Variants in AFF1 observed in about 807,000 individuals in gnomAD.
AFF1 encodes ALF transcription elongation factor 1, also known as AF4/FMR2 family member 1.
A neutral mutation model predicts 121.7 loss-of-function variants in AFF1; 48 were observed. The ratio of observed to expected loss-of-function variants is 0.39; its 90% CI spans 0.31 to 0.50. The LOEUF (loss-of-function observed/expected upper bound fraction) is 0.50. Among genes scored for constraint, AFF1 ranks in the 20% least tolerant of loss-of-function variants. The probability of loss-of-function intolerance (pLI) is 0.76; values close to 1 mark genes in which losing one functional copy is unlikely to be tolerated. For synonymous variants in AFF1, 613 were observed against 563.0 expected (o/e 1.09, Z -1.26); for missense variants, 1,523 against 1,511.7 (o/e 1.01, Z -0.12).
Position 87,140,363 on chromosome 4 carries a change from A to G in AFF1, c.*4662A>G, listed in dbSNP as rs76691778. On this transcript the variant is annotated 3_prime_UTR_variant, in exon 21 of 21. Transcript: ENST00000395146. The stretch of plus-strand genomic sequence containing the variant: ...TGGGGTTGTGTGTGTGTATGTGTGT[A>G]TGTACGCACGCATGTGTCCCAAATC... 0.014 allele frequency: 2,766 copies of G among 195,388 alleles called. 81 individuals carry two copies. The highest frequency in any genetic ancestry group is 0.06 in the African/African-American group (2,584 of 43,222). 12.1% of individuals were successfully genotyped at this position (195,388 alleles called of 1,614,324 possible).
chr4:87,126,233 C>T lies in AFF1; in HGVS notation c.2708C>T (p.Pro903Leu), dbSNP rs759359439. The T allele has an allele frequency of 5.6e-6, 9 of 1,614,072 alleles. No individual in the cohort carries two copies. The highest frequency in any genetic ancestry group is 1.6e-4 in the Middle Eastern group (1 of 6,062). The change falls in exon 14 of 21, where the codon CCT becomes CTT. Residue 903 changes from proline to leucine, a missense_variant. Physicochemically the swap from Pro to Leu is moderately conservative, Grantham distance 98. Around this residue, in one of 5 missense-constraint regions of AFF1, gnomAD observed 905 missense variants for 842.5 expected, o/e 1.07. Transcript: ENST00000395146. ...GAAGCAGACACCTGTGGCCAGGACCCTCCCAAAAGTGCCAGCAGTACCAAG... is the reference window on the plus strand; with the variant it reads ...GAAGCAGACACCTGTGGCCAGGACCTTCCCAAAAGTGCCAGCAGTACCAAG... ...RREADTCGQDPPKSASSTKSN... is the reference protein window; with the variant it reads ...RREADTCGQDLPKSASSTKSN...
At chr4:86,944,140 TAAA>T (rs35682600) in intron 1 of AFF1, among the ~76,000 whole-genome samples, 1,080 of 96,130 alleles carry the variant, frequency 0.011, 20 homozygotes, top group African/African-American at 0.034. Context: ...CAAGACCCTG[TAAA>T]AAAAAAAAAA....
intron 2 of AFF1, among the ~76,000 whole-genome samples, chr4:86,993,078 A>C (rs1300092879): frequency 2.6e-5 from 4 of 152,226 alleles, no homozygotes; most frequent in Admixed American, 1.3e-4. Flanking sequence ...CCTAGGTAGG[A>C]AACAGAGTCC....
At chr4:87,127,329 T>G (rs566480661) in intron 15 of AFF1, among the ~76,000 whole-genome samples, 1 of 152,118 alleles carries the variant, frequency 6.6e-6, no homozygotes, top group East Asian at 1.9e-4. Flanking sequence ...CCTGGCTAAC[T>G]TTTTTTGTAT....
chr4:87,101,387 A>C (rs1485383986), intron 8 of AFF1, among the ~76,000 whole-genome samples: 2 of 152,178 alleles, frequency 1.3e-5, no homozygotes, highest in African/African-American at 4.8e-5. Flanking sequence ...CAGCCTGTGC[A>C]TATAGTAAGA....
chr4:87,044,358 T>TAGA (rs535666290), intron 2 of AFF1, among the ~76,000 whole-genome samples: 116 of 152,356 alleles, frequency 7.6e-4, no homozygotes, highest in Middle Eastern at 6.8e-3. Context: ...GATTAGCTTC[T>TAGA]ATGCAGAGTA....
At chr4:86,945,124 G>C (rs1370313347) in intron 1 of AFF1, among the ~76,000 whole-genome samples, 1 of 152,154 alleles carries the variant, frequency 6.6e-6, no homozygotes, top group Non-Finnish European at 1.5e-5. Context: ...TTTTAGCTAG[G>C]TGATATAATA....
intron 4 of AFF1, among the ~76,000 whole-genome samples, chr4:87,070,254 G>A (rs1264181971): frequency 1.3e-5 from 2 of 152,128 alleles, no homozygotes; most frequent in African/African-American, 4.8e-5. Context: ...CACCTGTCTC[G>A]GCCTCCCGAA....
intron 2 of AFF1, among the ~76,000 whole-genome samples, chr4:87,027,157 A>G (rs1252358978): frequency 6.6e-6 from 1 of 152,258 alleles, no homozygotes; most frequent in Non-Finnish European, 1.5e-5. Context: ...AGTGGCTGCT[A>G]AGGAGATTAC....
chr4:86,942,163 T>C (rs563017047), intron 1 of AFF1, among the ~76,000 whole-genome samples: 4 of 152,334 alleles, frequency 2.6e-5, no homozygotes, highest in East Asian at 3.9e-4. Flanking sequence ...GATGAAGTAA[T>C]TGGTTTACTT....
At chr4:87,027,858 G>A (rs1051842975) in intron 2 of AFF1, among the ~76,000 whole-genome samples, 2 of 127,220 alleles carry the variant, frequency 1.6e-5, no homozygotes, top group Non-Finnish European at 3.1e-5. Context: ...TGTGATCAAT[G>A]CAGTGGCCCA....
chr4:87,093,225 TC>T (rs538230850), intron 7 of AFF1, among the ~76,000 whole-genome samples: 2 of 152,188 alleles, frequency 1.3e-5, no homozygotes, highest in Non-Finnish European at 2.9e-5. Flanking sequence ...TTGGTGGGTC[TC>T]CTGGAGGTCC....
chr4:87,115,336 C>T (rs759751973), intron 12 of AFF1, 37 bp downstream of exon 12: 21 of 1,505,388 alleles, frequency 1.4e-5, no homozygotes, highest in African/African-American at 2.8e-5. Context: ...CCAGCGTGGA[C>T]CATCCTTGCT....
intron 11 of AFF1, among the ~76,000 whole-genome samples, chr4:87,110,410 G>C (rs1045038490): frequency 6.6e-6 from 1 of 151,230 alleles, no homozygotes; most frequent in African/African-American, 2.4e-5. Flanking sequence ...TCACCCTGTT[G>C]TGCTGGCAAA....
At chr4:86,971,893 T>C (rs1194478912) in intron 2 of AFF1, among the ~76,000 whole-genome samples, 1 of 151,950 alleles carries the variant, frequency 6.6e-6, no homozygotes, top group Non-Finnish European at 1.5e-5. Flanking sequence ...TCCCAGCACT[T>C]GGGGAGGCTA....
chr4:87,138,023 T>C lies in AFF1; in HGVS notation c.*2322T>C, dbSNP rs1273170476. The stretch of plus-strand genomic sequence containing the variant: ...TTGCTTTTTCAGTGGCCTTACTCTT[T>C]GTGGGTTTTTTTTTTTTTCTCTGAA... On this transcript the variant is annotated 3_prime_UTR_variant, in exon 21 of 21. Transcript: ENST00000395146. 2 of 212,238 alleles carry C rather than the reference T, an allele frequency of 9.4e-6. No individual in the cohort carries two copies. The highest frequency in any genetic ancestry group is 1.8e-5 in the Non-Finnish European group (2 of 109,902). The allele number at this position is 212,238 out of a possible 1,614,324, so 13.1% of individuals were successfully genotyped here.
chr4:87,091,009 T>C (rs1321661366), intron 6 of AFF1, among the ~76,000 whole-genome samples: 16 of 114,860 alleles, frequency 1.4e-4, no homozygotes, highest in African/African-American at 5.3e-4. Context: ...TGAGACCCCG[T>C]CTCTCTACCA....
chr4:87,001,238 G>A (rs1290143475), intron 2 of AFF1, among the ~76,000 whole-genome samples: 1 of 29,382 alleles, frequency 3.4e-5, no homozygotes, highest in Non-Finnish European at 9.4e-5. Flanking sequence ...TTTTTTTGGT[G>A]ACGGCGTCTC....
At chr4:87,038,312 C>T (rs539407390) in intron 2 of AFF1, among the ~76,000 whole-genome samples, 25 of 152,144 alleles carry the variant, frequency 1.6e-4, no homozygotes, top group East Asian at 3.9e-4. Flanking sequence ...GATGGAGAGA[C>T]GAAAAAAATC....
Sources: gnomAD v4.1 joint callset for allele counts (sites outside exome capture counted in the v4.1 genomes callset) on GRCh38, gnomAD v4.1.1 for gene constraint, gnomAD v4.1.1 regional missense constraint, MANE v1.5 for transcripts, NCBI Gene and HGNC (gene_info 2026-07-23, HGNC 2026-07-21) for gene names.